The following KANK1 variants were observed in gnomAD, a reference collection of about 807,000 sequenced individuals.
KANK1 encodes the protein KN motif and ankyrin repeat domain-containing protein 1.
KANK1 carries 109 observed loss-of-function variants against 106.2 expected under a neutral mutation model. The ratio of observed to expected loss-of-function variants is 1.03; its 90% CI spans 0.88 to 1.20. The LOEUF (loss-of-function observed/expected upper bound fraction) is 1.20. Among genes scored for constraint, KANK1 ranks in the 50% most tolerant of loss-of-function variants. KANK1 has a pLI of 0.00. For synonymous variants in KANK1, 873 were observed against 652.2 expected, an observed-to-expected ratio of 1.34 and a Z score of -5.16; for missense variants, 2,399 against 1,710.7, an observed-to-expected ratio of 1.40 and a Z score of -7.10.
At chr9:598,620 C>CTTTTTTTTTTTTTTTTTTTTGTTT (rs1826848558) in intron 1 of KANK1, among the ~76,000 whole-genome samples, 1 of 46,660 alleles carries the variant, frequency 2.1e-5, no homozygotes, top group Non-Finnish European at 4.3e-5. Context: ...TGTTGGTTTT[C>CTTTTTTTTTTTTTTTTTTTTGTTT]TTTTTTTTTT....
intron 2 of KANK1, among the ~76,000 whole-genome samples, chr9:679,203 G>A (rs746026339): frequency 2.0e-5 from 3 of 151,982 alleles, no homozygotes; most frequent in Non-Finnish European, 4.4e-5. Flanking sequence ...ACTGTGCAGG[G>A]GAAGATTTTT....
intron 3 of KANK1, among the ~76,000 whole-genome samples, chr9:714,190 A>G (rs1827032203): frequency 6.6e-6 from 1 of 152,092 alleles, no homozygotes; most frequent in Non-Finnish European, 1.5e-5. Context: ...CGGTGCTTAC[A>G]TTCTAGGTGG....
At chr9:573,757 G>A (rs182883933) in intron 1 of KANK1, among the ~76,000 whole-genome samples, 5 of 146,180 alleles carry the variant, frequency 3.4e-5, no homozygotes, top group African/African-American at 1.0e-4. Flanking sequence ...GTTTGCTTTC[G>A]AAATCCTGAG....
intron 3 of KANK1, among the ~76,000 whole-genome samples, chr9:497,542 C>CA (rs111377029): frequency 0.17 from 25,219 of 151,958 alleles, 4,151 homozygotes; most frequent in African/African-American, 0.43. Context: ...CAAAAACTTT[C>CA]AAAAAACCCT....
upstream of KANK1, among the ~76,000 whole-genome samples, chr9:502,543 T>C (rs1038161687): frequency 2.5e-5 from 3 of 121,240 alleles, no homozygotes; most frequent in South Asian, 2.3e-4. Flanking sequence ...TTTTTTTTTT[T>C]CTTAGAGTCG....
chr9:720,926 A>G (rs1432455499), intron 3 of KANK1, among the ~76,000 whole-genome samples: 1 of 152,192 alleles, frequency 6.6e-6, no homozygotes, highest in East Asian at 1.9e-4. Flanking sequence ...CATGGATCCA[A>G]GTTGATGGGT....
At chr9:593,462 A>T (rs1487651635) in intron 1 of KANK1, among the ~76,000 whole-genome samples, 1 of 116,800 alleles carries the variant, frequency 8.6e-6, no homozygotes, top group African/African-American at 4.1e-5. Context: ...CCCCCCCCCC[A>T]TATACTTGCA....
chr9:555,179 C>T (rs2061506278), intron 1 of KANK1, among the ~76,000 whole-genome samples: 1 of 151,958 alleles, frequency 6.6e-6, no homozygotes, highest in South Asian at 2.1e-4. Flanking sequence ...TGGCCAGTAG[C>T]TAATCCCTGA....
intron 2 of KANK1, among the ~76,000 whole-genome samples, chr9:696,018 C>A (rs1341336472): frequency 6.6e-6 from 1 of 152,138 alleles, no homozygotes; most frequent in Non-Finnish European, 1.5e-5. Flanking sequence ...GAGGGCCAGG[C>A]GCGGTGGCTC....
intron 1 of KANK1, among the ~76,000 whole-genome samples, chr9:529,955 A>G (rs1259958652): frequency 6.6e-6 from 1 of 152,184 alleles, no homozygotes; most frequent in Non-Finnish European, 1.5e-5. Context: ...ATGTTATGAC[A>G]TTTCTTAATC....
intron 3 of KANK1, among the ~76,000 whole-genome samples, chr9:483,271 G>A (rs954743278): frequency 6.6e-6 from 1 of 152,190 alleles, no homozygotes; most frequent in Non-Finnish European, 1.5e-5. Flanking sequence ...TTAGAGGGGA[G>A]TATGGTAATG....
intron 1 of KANK1, among the ~76,000 whole-genome samples, chr9:636,291 T>G (rs1837122718): frequency 6.6e-6 from 1 of 152,180 alleles, no homozygotes; most frequent in African/African-American, 2.4e-5. Flanking sequence ...TTTCAAACTT[T>G]TCAGAGCTCT....
intron 7 of KANK1, among the ~76,000 whole-genome samples, chr9:736,188 G>A (rs1209309609): frequency 1.3e-5 from 2 of 152,160 alleles, no homozygotes; most frequent in East Asian, 3.9e-4. Flanking sequence ...TCGATCTCCT[G>A]ACCTCGTGGT....
intron 1 of KANK1, among the ~76,000 whole-genome samples, chr9:579,584 G>A (rs1226857889): frequency 6.6e-6 from 1 of 152,046 alleles, no homozygotes; most frequent in Admixed American, 6.5e-5. Context: ...AAAACCCTAG[G>A]GGAGAAGCAT....
At chr9:588,926 T>TA (rs1211228486) in intron 1 of KANK1, among the ~76,000 whole-genome samples, 4 of 152,272 alleles carry the variant, frequency 2.6e-5, no homozygotes, top group Non-Finnish European at 5.9e-5. Context: ...CTTATATGAT[T>TA]AAAAAAACCC....
At position 669,017 on chromosome 9, in the gene KANK1, C is replaced by T. The variant is rs950279232; in HGVS notation, c.-83-7873C>T. On this transcript the variant is annotated intron_variant, in intron 1 of 11. Transcript: ENST00000382297. ...GACGGACCAGTACTGGTCCATGGCTCAGGAGTTGGAGATCCCTGTCTTAGA... is the reference window on the plus strand; with the variant it reads ...GACGGACCAGTACTGGTCCATGGCTTAGGAGTTGGAGATCCCTGTCTTAGA... Among the ~76,000 whole-genome samples, 16 of 151,984 alleles carry T rather than the reference C, an allele frequency of 1.1e-4. No individual in the cohort carries two copies. In the South Asian group the frequency reaches 1.3e-3, roughly 12 times the overall value.
intron 1 of KANK1, among the ~76,000 whole-genome samples, chr9:645,701 G>T (rs1839520278): frequency 6.6e-6 from 1 of 150,674 alleles, no homozygotes; most frequent in African/African-American, 2.5e-5. Flanking sequence ...GGCCAACGTG[G>T]TGAAACCCCA....
chr9:674,015 T>C (rs1280829156), intron 1 of KANK1: 1 of 152,142 alleles, frequency 6.6e-6, no homozygotes, highest in African/African-American at 2.4e-5. Flanking sequence ...TCCACTTTTT[T>C]TTTTGTTTAA....
At chr9:734,661 G>A (rs911464703) in intron 6 of KANK1, 87 bp from the exon 7 acceptor site, 59 of 920,220 alleles carry the variant, frequency 6.4e-5, no homozygotes, top group Admixed American at 4.2e-5. Context: ...GCATGACCCT[G>A]TCTCAAAAAA....
Sources: allele counts gnomAD v4.1 joint callset (sites outside exome capture counted in the v4.1 genomes callset), GRCh38; gene constraint gnomAD v4.1.1; transcripts MANE v1.5; gene names NCBI Gene and HGNC (gene_info 2026-07-23, HGNC 2026-07-21).